The following ADORA2B variants were observed in gnomAD, a reference collection of about 807,000 sequenced individuals.
ADORA2B encodes adenosine A2b receptor, also known as adenosine receptor A2b.
ADORA2B carries 18 observed loss-of-function variants against 20.8 expected under a neutral mutation model. That is an observed-to-expected ratio of 0.87 (90% confidence interval 0.60 to 1.29). ADORA2B has a LOEUF of 1.29. Ranked by LOEUF, ADORA2B falls within the 50% of genes most tolerant of loss-of-function variation. ADORA2B has a pLI of 0.00. For synonymous variants in ADORA2B, 179 were observed against 178.3 expected, an observed-to-expected ratio of 1.00 and a Z score of -0.03; for missense variants, 441 against 422.7, an observed-to-expected ratio of 1.04 and a Z score of -0.38.
chr17:15,967,561 T>C (rs1970136650), intron 1 of ADORA2B, among the ~76,000 whole-genome samples: 1 of 151,838 alleles, frequency 6.6e-6, no homozygotes, highest in Admixed American at 6.6e-5. Flanking sequence ...AAGATAAGAA[T>C]GGGAGAAGGT....
At chr17:15,853,581 G>A in the ADORA2B span, among the ~76,000 whole-genome samples, 1 of 152,170 alleles carries the variant, frequency 6.6e-6, no homozygotes, top group Non-Finnish European at 1.5e-5. Flanking sequence ...TGATGAGATG[G>A]TCAAAATCTT....
intron 1 of ADORA2B, among the ~76,000 whole-genome samples, chr17:15,969,171 C>CATTTTA (rs1396119656): frequency 7.1e-4 from 108 of 152,298 alleles, no homozygotes; most frequent in African/African-American, 2.5e-3. Context: ...GTCCCTTTGG[C>CATTTTA]CGGGCGTGGA....
chr17:15,958,083 G>A (rs938923940), intron 1 of ADORA2B, among the ~76,000 whole-genome samples: 2 of 150,172 alleles, frequency 1.3e-5, no homozygotes, highest in African/African-American at 4.9e-5. Flanking sequence ...ACAATGGTGC[G>A]ATCTTGGTCA....
the ADORA2B span, among the ~76,000 whole-genome samples, chr17:15,867,935 GA>G: frequency 1.3e-5 from 2 of 151,842 alleles, no homozygotes; most frequent in African/African-American, 4.9e-5. Context: ...AGAAAGGGGG[GA>G]AAGGTGGGGA....
At chr17:15,899,500 G>A in the ADORA2B span, among the ~76,000 whole-genome samples, 1 of 152,128 alleles carries the variant, frequency 6.6e-6, no homozygotes, top group Non-Finnish European at 1.5e-5. Flanking sequence ...TGTTACATGG[G>A]TATATGGCAT....
chr17:15,948,395 T>TGGTGGTGGGG (rs1969842311), intron 1 of ADORA2B, among the ~76,000 whole-genome samples: 1 of 5,796 alleles, frequency 1.7e-4, no homozygotes, highest in African/African-American at 1.9e-4. Context: ...TGTTGGGCCC[T>TGGTGGTGGGG]GGCGGCGGGG....
At chr17:15,881,125 G>A in the ADORA2B span, among the ~76,000 whole-genome samples, 3 of 151,926 alleles carry the variant, frequency 2.0e-5, no homozygotes, top group South Asian at 2.1e-4. Context: ...ATTTTGAGAC[G>A]GAGTCTTTCT....
At chr17:15,966,593 G>A (rs1466816813) in intron 1 of ADORA2B, among the ~76,000 whole-genome samples, 1 of 152,212 alleles carries the variant, frequency 6.6e-6, no homozygotes, top group Non-Finnish European at 1.5e-5. Flanking sequence ...CAGTGTTCAC[G>A]CTGTTTCCTT....
chr17:15,917,279 G>T, the ADORA2B span, among the ~76,000 whole-genome samples: 1 of 152,228 alleles, frequency 6.6e-6, no homozygotes, highest in South Asian at 2.1e-4. Context: ...ATTCCCTCCT[G>T]GGCAACAGAG....
chr17:15,945,322 A>G lies in ADORA2B; in HGVS notation c.74A>G (p.Asn25Ser), dbSNP rs1304812802. 24 of 1,591,886 alleles carry G rather than the reference A, an allele frequency of 1.5e-5. No individual in the cohort carries two copies. Among genetic ancestry groups the G allele is most frequent in the Non-Finnish European group, 2.0e-5 (23 of 1,172,196 alleles). The change falls in exon 1 of 2, where the codon AAC (asparagine) becomes AGC (serine). Residue 25 changes from asparagine to serine, a missense_variant. Transcript: ENST00000304222. The part of the protein sequence containing the change: ...LVIAALSVAG[N>S]VLVCAAVGTA... The stretch of plus-strand genomic sequence containing the variant: ...ATCGCCGCGCTTTCGGTGGCGGGCA[A>G]CGTGCTGGTGTGCGCCGCGGTGGGC...
At chr17:15,881,738 T>C in the ADORA2B span, among the ~76,000 whole-genome samples, 1 of 152,220 alleles carries the variant, frequency 6.6e-6, no homozygotes, top group Non-Finnish European at 1.5e-5. Context: ...CCCATCTGTG[T>C]TGGGGCGTGT....
chr17:15,948,349 C>T (rs1244399582), intron 1 of ADORA2B, among the ~76,000 whole-genome samples: 1 of 8,008 alleles, frequency 1.2e-4, no homozygotes, highest in Admixed American at 2.4e-3. Context: ...AACAGAAGTC[C>T]ATTGCCTCTG....
chr17:15,888,188 C>T, the ADORA2B span, among the ~76,000 whole-genome samples: 2 of 128,472 alleles, frequency 1.6e-5, 1 homozygote, highest in Non-Finnish European at 3.3e-5. Flanking sequence ...CGAAAGAAAT[C>T]AGATCAGGTG....
the ADORA2B span, among the ~76,000 whole-genome samples, chr17:15,911,747 A>G: frequency 6.6e-6 from 1 of 152,164 alleles, no homozygotes; most frequent in South Asian, 2.1e-4. Flanking sequence ...GTAGAAGAGA[A>G]ATGGCATGTC....
At chr17:15,854,450 T>TA in the ADORA2B span, among the ~76,000 whole-genome samples, 1 of 152,292 alleles carries the variant, frequency 6.6e-6, no homozygotes, top group East Asian at 1.9e-4. Flanking sequence ...CTTAGAAAAC[T>TA]AGGAATAGAA....
the ADORA2B span, among the ~76,000 whole-genome samples, chr17:15,865,418 C>T: frequency 6.6e-6 from 1 of 151,092 alleles, no homozygotes; most frequent in African/African-American, 2.4e-5. Flanking sequence ...TGAGCCACCA[C>T]ACCTGGTTAA....
the ADORA2B span, among the ~76,000 whole-genome samples, chr17:15,874,064 G>GTATATATATGTATATATA: frequency 3.5e-5 from 5 of 144,854 alleles, no homozygotes; most frequent in East Asian, 3.9e-4. Context: ...ATATATGTGT[G>GTATATATATGTATATATA]TGTGTATATA....
the ADORA2B span, among the ~76,000 whole-genome samples, chr17:15,884,212 A>G: frequency 6.6e-6 from 1 of 152,090 alleles, no homozygotes; most frequent in Non-Finnish European, 1.5e-5. Context: ...CATCTGCATA[A>G]AAGAGGGGAA....
the ADORA2B span, among the ~76,000 whole-genome samples, chr17:15,926,814 T>G: frequency 6.6e-6 from 1 of 151,764 alleles, no homozygotes; most frequent in African/African-American, 2.4e-5. Context: ...ACAAAAAAAT[T>G]TTAAAAATCA....
Sources: allele counts gnomAD v4.1 joint callset (sites outside exome capture counted in the v4.1 genomes callset), GRCh38; gene constraint gnomAD v4.1.1; transcripts MANE v1.5; gene names NCBI Gene and HGNC (gene_info 2026-07-23, HGNC 2026-07-21).